TEX15: variants seen among roughly 807,000 people sequenced by gnomAD.
TEX15 encodes testis expressed 15, meiosis and synapsis associated.
A neutral mutation model predicts 237.3 loss-of-function variants in TEX15; 171 were observed. The observed-to-expected ratio is 0.72, with a 90% CI of 0.64 to 0.82. The LOEUF (loss-of-function observed/expected upper bound fraction) is 0.82, where lower values mean the gene tolerates loss of function less well. TEX15 is among the 40% of genes least tolerant of loss of function. TEX15 has a pLI of 0.00. For missense variants in TEX15, 3,750 were observed against 3,646.5 expected, an observed-to-expected ratio of 1.03 and a Z score of -0.73; for synonymous variants, 1,338 against 1,269.8, an observed-to-expected ratio of 1.05 and a Z score of -1.14.
At chr8:30,859,105 T>C (rs1334210133) in intron 6 of TEX15, among the ~76,000 whole-genome samples, 4 of 152,082 alleles carry the variant, frequency 2.6e-5, no homozygotes, top group Non-Finnish European at 5.9e-5. Flanking sequence ...ATGTTTTGCA[T>C]GAAGTTTCAA....
At chr8:30,875,223 A>C (rs747040135) in intron 3 of TEX15, 121 bp from the exon 4 acceptor site, 245 of 543,980 alleles carry the variant, frequency 4.5e-4, no homozygotes, top group Non-Finnish European at 6.2e-4. Context: ...TTAACAACAT[A>C]AGGCAACCAT....
At chr8:30,896,466 G>A (rs891197176) in intron 2 of TEX15, among the ~76,000 whole-genome samples, 3 of 151,970 alleles carry the variant, frequency 2.0e-5, no homozygotes, top group Non-Finnish European at 4.4e-5. Flanking sequence ...GGGCATTAGT[G>A]TGATCCAGAG....
chr8:30,881,750 T>G (rs1333966349), intron 3 of TEX15, among the ~76,000 whole-genome samples: 1 of 151,662 alleles, frequency 6.6e-6, no homozygotes. Context: ...GCCTCCCGAG[T>G]AGCTGGGATT....
chr8:30,869,953 G>T (rs550785406), intron 4 of TEX15, among the ~76,000 whole-genome samples: 56 of 151,766 alleles, frequency 3.7e-4, no homozygotes, highest in African/African-American at 1.2e-3. Flanking sequence ...ATACATAAAA[G>T]AATAATTTTC....
At chr8:30,850,226 G>GCAAA (rs1170307199) in intron 7 of TEX15, among the ~76,000 whole-genome samples, 1 of 151,834 alleles carries the variant, frequency 6.6e-6, no homozygotes, top group Non-Finnish European at 1.5e-5. Flanking sequence ...AATAATATAT[G>GCAAA]CAAATAAAAA....
At chr8:30,867,543 T>A (rs913764952) in intron 4 of TEX15, 41 bp from the exon 5 acceptor site, 1 of 1,246,174 alleles carries the variant, frequency 8.0e-7, no homozygotes, top group Non-Finnish European at 1.1e-6. Flanking sequence ...AAGATAAATA[T>A]CAACAAAATT....
chr8:30,869,508 C>T (rs1808245492), intron 4 of TEX15, among the ~76,000 whole-genome samples: 1 of 151,990 alleles, frequency 6.6e-6, no homozygotes, highest in Non-Finnish European at 1.5e-5. Flanking sequence ...GCCTGAATTT[C>T]CACCGTGTGT....
chr8:30,869,390 C>A (rs62508290), intron 4 of TEX15, among the ~76,000 whole-genome samples: 1 of 151,964 alleles, frequency 6.6e-6, no homozygotes, highest in African/African-American at 2.4e-5. Flanking sequence ...TATAAGAAAA[C>A]TTACCGAAAT....
At position 30,844,840 on chromosome 8, in the gene TEX15, T is replaced by A. The variant is rs1267596881; in HGVS notation, c.5327A>T (p.Asn1776Ile). The A allele has an allele frequency of 1.2e-5, 20 of 1,613,550 alleles. No homozygotes were observed. The highest frequency in any genetic ancestry group is 1.7e-5 in the Non-Finnish European group (20 of 1,179,606). ...TTCATTCCCATCTGTATGGAGGCAA[T>A]TACCTGAAGAGCACTGTTCTGTCTT... Reference protein sequence around the residue: ...LLKTEQCSSGNCLHTDGNETN... With the variant: ...LLKTEQCSSGICLHTDGNETN... Residue 1776 changes from asparagine (N) to isoleucine (I), a missense_variant, in exon 8 of 11, where the codon AAT (asparagine) becomes ATT (isoleucine). Coordinates refer to ENST00000643185, the MANE Select transcript of TEX15 (RefSeq NM_001350162.2).
At position 30,833,080 on chromosome 8, in the gene TEX15, GA is replaced by G. The variant is rs1300898304; in HGVS notation, c.*205del. On this transcript the variant is annotated 3_prime_UTR_variant, in exon 11 of 11. Coordinates refer to ENST00000643185, the MANE Select transcript of TEX15 (RefSeq NM_001350162.2). ...ATTACCCTCCCCTTATAATTGCATG[GA>G]AATAATTCTGGTATATCAGATGTTA... 4 of 440,768 alleles carry G rather than the reference GA, an allele frequency of 9.1e-6. No homozygotes were observed. Among genetic ancestry groups the G allele is most frequent in the Non-Finnish European group, 1.2e-5 (3 of 245,872 alleles). 27.3% of individuals were successfully genotyped at this position (440,768 alleles called of 1,614,324 possible).
chr8:30,880,089 C>A (rs895767510), intron 3 of TEX15, among the ~76,000 whole-genome samples: 1 of 152,118 alleles, frequency 6.6e-6, no homozygotes, highest in African/African-American at 2.4e-5. Context: ...AATGCAGTGG[C>A]GTGAGCTCAG....
In TEX15 at chr8:30,842,522, A is replaced by C. The variant is rs1053617138; in HGVS notation, c.7645T>G (p.Ser2549Ala). The C allele has an allele frequency of 6.2e-7, 1 of 1,611,558 alleles. No homozygotes were observed. The highest frequency in any genetic ancestry group is 1.1e-5 in the South Asian group (1 of 90,710). ...HLLSRELQEL[S>A]EIKKLLKKSK... ...TTCTTCAGAAGCTTTTTTATTTCTG[A>C]AAGTTCTTGAAGTTCTCTTGAGAGC... is the stretch of plus-strand genomic sequence containing the variant. Residue 2549 changes from serine to alanine, a missense_variant, in exon 8 of 11, where the codon TCA becomes GCA. Transcript: ENST00000643185.
intron 4 of TEX15, among the ~76,000 whole-genome samples, chr8:30,869,609 C>T (rs1190012230): frequency 6.6e-6 from 1 of 151,976 alleles, no homozygotes; most frequent in Non-Finnish European, 1.5e-5. Flanking sequence ...CTACACCTCC[C>T]TTTCCTTCTA....
chr8:30,906,865 T>A (rs896923701), intron 1 of TEX15, among the ~76,000 whole-genome samples: 2 of 152,164 alleles, frequency 1.3e-5, no homozygotes, highest in Non-Finnish European at 2.9e-5. Flanking sequence ...GTTTAATTGA[T>A]TAGCATGGGC....
intron 1 of TEX15, among the ~76,000 whole-genome samples, chr8:30,902,153 T>A (rs1809019135): frequency 6.6e-6 from 1 of 152,086 alleles, no homozygotes; most frequent in Non-Finnish European, 1.5e-5. Context: ...AAGTTTGAGA[T>A]CCGCTGGTCT....
Position 30,833,300 on chromosome 8 carries a change from G to GA in TEX15, c.9504dup (p.His3169SerfsTer14). ...GAAGACTATTTTCAGTGTCCTGGATGAAAGGATTCTTGGTGCCATGGAGCT... is the reference window on the plus strand; with the variant it reads ...GAAGACTATTTTCAGTGTCCTGGATGAAAAGGATTCTTGGTGCCATGGAGCT... On this transcript the variant is annotated frameshift_variant, in exon 11 of 11. Coordinates refer to ENST00000643185, the MANE Select transcript of TEX15 (RefSeq NM_001350162.2). LOFTEE classifies it high-confidence loss of function. The GA allele has an allele frequency of 6.3e-7, 1 of 1,594,818 alleles. No individual in the cohort carries two copies. The highest frequency in any genetic ancestry group is 1.1e-5 in the South Asian group (1 of 87,040).
chr8:30,851,035 C>T (rs1032860248), intron 7 of TEX15, among the ~76,000 whole-genome samples: 3 of 151,972 alleles, frequency 2.0e-5, no homozygotes, highest in Non-Finnish European at 2.9e-5. Context: ...AGTATAAATT[C>T]GTACAAATTT....
At chr8:30,906,324 G>A (rs568924765) in intron 1 of TEX15, among the ~76,000 whole-genome samples, 5 of 152,162 alleles carry the variant, frequency 3.3e-5, no homozygotes, top group African/African-American at 1.2e-4. Flanking sequence ...AGTGGCTCAC[G>A]CCTGTAATCC....
intron 5 of TEX15, among the ~76,000 whole-genome samples, chr8:30,864,521 A>AG (rs1329703189): frequency 2.0e-5 from 3 of 151,704 alleles, no homozygotes; most frequent in Non-Finnish European, 4.4e-5. Context: ...AGGGAAAAAA[A>AG]GAAAAAAAAA....
Sources: allele counts gnomAD v4.1 joint callset (sites outside exome capture counted in the v4.1 genomes callset), GRCh38; gene constraint gnomAD v4.1.1; transcripts MANE v1.5; gene names NCBI Gene and HGNC (gene_info 2026-07-23, HGNC 2026-07-21).